The following CHSY3 variants were observed in gnomAD, a reference collection of about 807,000 sequenced individuals.
CHSY3 encodes chondroitin sulfate synthase 3, also known as N-acetylgalactosaminyl-proteoglycan 3-beta-glucuronosyltransferase 3.
In CHSY3, 35 loss-of-function variants were observed where a neutral mutation model predicts 67.2. That is an observed-to-expected ratio of 0.52 (90% CI 0.40 to 0.69). CHSY3 has a LOEUF of 0.69. CHSY3 is among the 30% of genes least tolerant of loss of function. CHSY3 has a pLI of 0.00. For missense variants in CHSY3, 1,069 were observed against 1,138.5 expected, an observed-to-expected ratio of 0.94 and a Z score of 0.88; for synonymous variants, 474 against 434.7, an observed-to-expected ratio of 1.09 and a Z score of -1.12.
intron 2 of CHSY3, among the ~76,000 whole-genome samples, chr5:130,183,785 G>A (rs1043556682): frequency 1.3e-5 from 2 of 152,052 alleles, no homozygotes; most frequent in Admixed American, 6.6e-5. Flanking sequence ...TTTGTCAAAT[G>A]ATACCACATT....
intron 2 of CHSY3, among the ~76,000 whole-genome samples, chr5:130,003,702 T>C (rs1763797248): frequency 1.3e-5 from 2 of 152,188 alleles, no homozygotes; most frequent in Non-Finnish European, 2.9e-5. Flanking sequence ...AGAGGGATTT[T>C]AAAGTTCCTC....
At chr5:129,982,943 C>T (rs771926082) in intron 2 of CHSY3, among the ~76,000 whole-genome samples, 19 of 151,978 alleles carry the variant, frequency 1.3e-4, no homozygotes, top group Admixed American at 2.0e-4. Context: ...ACAGTAATTG[C>T]TCAATACATG....
At chr5:130,080,463 G>A (rs940648531) in intron 2 of CHSY3, among the ~76,000 whole-genome samples, 6 of 152,120 alleles carry the variant, frequency 3.9e-5, no homozygotes, top group African/African-American at 1.4e-4. Context: ...AAGGTATTTT[G>A]TGATAAGTTT....
chr5:130,165,200 C>T (rs1182044927), intron 2 of CHSY3, among the ~76,000 whole-genome samples: 2 of 152,030 alleles, frequency 1.3e-5, no homozygotes, highest in Admixed American at 6.6e-5. Context: ...GGAGAGTGGC[C>T]AGATGAGATG....
At chr5:130,095,377 A>G (rs950770418) in intron 2 of CHSY3, among the ~76,000 whole-genome samples, 2 of 152,178 alleles carry the variant, frequency 1.3e-5, no homozygotes, top group Non-Finnish European at 2.9e-5. Flanking sequence ...ATCTTGCTAT[A>G]CTGGAAAGTG....
chr5:130,014,488 T>G (rs1347729115), intron 2 of CHSY3, among the ~76,000 whole-genome samples: 2 of 152,012 alleles, frequency 1.3e-5, no homozygotes, highest in Non-Finnish European at 2.9e-5. Flanking sequence ...AGAGAATGAG[T>G]GCCAGGCCAG....
chr5:130,109,230 A>G (rs767226756), intron 2 of CHSY3, among the ~76,000 whole-genome samples: 1 of 151,778 alleles, frequency 6.6e-6, no homozygotes, highest in African/African-American at 2.4e-5. Flanking sequence ...GTTGCTTACA[A>G]AATTGCCTCT....
chr5:130,029,096 T>G, intron 2 of CHSY3, among the ~76,000 whole-genome samples: 1 of 152,092 alleles, frequency 6.6e-6, no homozygotes, highest in East Asian at 1.9e-4. Flanking sequence ...GAAAAGAAAT[T>G]ACTACTTCTC....
At chr5:129,906,364 G>T (rs1472820716) in intron 1 of CHSY3, among the ~76,000 whole-genome samples, 1 of 152,098 alleles carries the variant, frequency 6.6e-6, no homozygotes, top group African/African-American at 2.4e-5. Context: ...TTGGTGGTGG[G>T]GGAAAAGAGG....
At chr5:129,963,392 G>A (rs191598309) in intron 2 of CHSY3, among the ~76,000 whole-genome samples, 1 of 152,010 alleles carries the variant, frequency 6.6e-6, no homozygotes, top group Admixed American at 6.6e-5. Context: ...CACGACACTT[G>A]AGTGTCAGAG....
chr5:130,133,264 A>C (rs1443167906), intron 2 of CHSY3, among the ~76,000 whole-genome samples: 1 of 152,270 alleles, frequency 6.6e-6, no homozygotes, highest in South Asian at 2.1e-4. Context: ...CTATGAGACA[A>C]TTGTGTGGAT....
chr5:129,997,470 A>G (rs1763574477), intron 2 of CHSY3, among the ~76,000 whole-genome samples: 1 of 152,040 alleles, frequency 6.6e-6, no homozygotes, highest in African/African-American at 2.4e-5. Flanking sequence ...CAATAACTTA[A>G]TTGATAGTAA....
intron 2 of CHSY3, among the ~76,000 whole-genome samples, chr5:129,912,102 A>G (rs995304729): frequency 1.3e-5 from 2 of 152,098 alleles, no homozygotes; most frequent in Non-Finnish European, 2.9e-5. Flanking sequence ...TGAAATATGG[A>G]CACCTGTTTT....
intron 2 of CHSY3, chr5:130,002,108 T>C: frequency 1.0e-6 from 1 of 953,898 alleles, no homozygotes; most frequent in Non-Finnish European, 1.2e-6. Context: ...TTGGTGGCCT[T>C]CTTCTGTGTC....
rs376645999 is a variant in CHSY3 at position 130,185,024 on chromosome 5, A to G, written c.1882A>G (p.Ile628Val). The G allele has an allele frequency of 3.2e-5, 50 of 1,579,876 alleles. No homozygotes were observed. Among genetic ancestry groups the G allele is most frequent in the African/African-American group, 5.4e-5 (4 of 74,148 alleles). ...GAAAGTACACATTCTCGTTCCTCTC[A>G]TCGGAAGGTATGACATTTTCTTGAG... ...EKKVHILVPL[I>V]GRYDIFLRFM... Residue 628 changes from isoleucine (I) to valine (V), a missense_variant, in exon 3 of 3, where the codon ATC becomes GTC. Physicochemically the swap from Ile to Val is conservative, Grantham distance 29. Transcript: ENST00000305031.
chr5:129,969,455 C>G (rs2149612727), intron 2 of CHSY3, among the ~76,000 whole-genome samples: 1 of 151,862 alleles, frequency 6.6e-6, no homozygotes, highest in East Asian at 1.9e-4. Flanking sequence ...GTAGTTAAGG[C>G]ATTTATATAC....
intron 2 of CHSY3, among the ~76,000 whole-genome samples, chr5:130,086,469 C>G (rs1390810871): frequency 1.3e-5 from 2 of 151,946 alleles, no homozygotes; most frequent in African/African-American, 4.8e-5. Context: ...CTTGGTAGAT[C>G]TTCCTCCATC....
intron 2 of CHSY3, among the ~76,000 whole-genome samples, chr5:130,176,956 A>G (rs1770072878): frequency 6.6e-6 from 1 of 152,134 alleles, no homozygotes; most frequent in Non-Finnish European, 1.5e-5. Context: ...ATGTATCTGC[A>G]CATGTATCCC....
At chr5:129,986,629 T>C (rs903116170) in intron 2 of CHSY3, among the ~76,000 whole-genome samples, 10 of 152,096 alleles carry the variant, frequency 6.6e-5, no homozygotes, top group African/African-American at 2.2e-4. Flanking sequence ...AAAAGGTTTC[T>C]TTCCTTTATT....
Sources: gnomAD v4.1 joint callset for allele counts (sites outside exome capture counted in the v4.1 genomes callset) on GRCh38, gnomAD v4.1.1 for gene constraint, MANE v1.5 for transcripts, NCBI Gene and HGNC (gene_info 2026-07-23, HGNC 2026-07-21) for gene names.